Variants in TRAPPC9 observed in about 807,000 individuals in gnomAD.
The protein encoded by TRAPPC9 is IKK2 binding protein.
TRAPPC9 carries 83 observed loss-of-function variants against 124.0 expected under a neutral mutation model. The observed-to-expected ratio is 0.67, with a 90% CI of 0.56 to 0.80. The LOEUF (loss-of-function observed/expected upper bound fraction) is 0.80. TRAPPC9 is among the 30% of genes least tolerant of loss of function. The pLI is 0.00. For missense variants in TRAPPC9, 1,302 were observed against 1,508.3 expected (o/e 0.86, Z 2.27); for synonymous variants, 638 against 617.5 (o/e 1.03, Z -0.49).
chr8:140,343,328 G>A (rs1032526230), intron 9 of TRAPPC9, among the ~76,000 whole-genome samples: 6 of 152,144 alleles, frequency 3.9e-5, no homozygotes, highest in Admixed American at 2.0e-4. Flanking sequence ...TATCAGCCTC[G>A]GCATTTTTCT....
At chr8:140,318,646 C>T (rs951819618) in intron 9 of TRAPPC9, among the ~76,000 whole-genome samples, 2 of 152,202 alleles carry the variant, frequency 1.3e-5, no homozygotes, top group Non-Finnish European at 2.9e-5. Context: ...CTGTGTTTGG[C>T]TTATTTCACT....
At chr8:140,138,911 T>C (rs1230752713) in intron 17 of TRAPPC9, among the ~76,000 whole-genome samples, 1 of 152,060 alleles carries the variant, frequency 6.6e-6, no homozygotes, top group African/African-American at 2.4e-5. Context: ...GTGACCCAGG[T>C]GTGCAGTCTG....
intron 2 of TRAPPC9, among the ~76,000 whole-genome samples, chr8:140,440,872 T>C (rs2070989103): frequency 6.6e-6 from 1 of 152,030 alleles, no homozygotes; most frequent in Non-Finnish European, 1.5e-5. Context: ...CACTCTCTTT[T>C]AGGCTCATCT....
At chr8:140,414,472 T>C (rs1478962664) in intron 5 of TRAPPC9, among the ~76,000 whole-genome samples, 1 of 152,134 alleles carries the variant, frequency 6.6e-6, no homozygotes, top group Non-Finnish European at 1.5e-5. Flanking sequence ...AGGTTGAGGC[T>C]GCAATGAGCC....
intron 18 of TRAPPC9, among the ~76,000 whole-genome samples, chr8:140,006,494 C>T (rs1838759599): frequency 6.6e-6 from 1 of 152,138 alleles, no homozygotes; most frequent in Non-Finnish European, 1.5e-5. Context: ...CAATTCCACT[C>T]CTAGGTTTGT....
chr8:139,750,648 G>T (rs1303543812), intron 21 of TRAPPC9, among the ~76,000 whole-genome samples: 2 of 152,184 alleles, frequency 1.3e-5, no homozygotes, highest in Non-Finnish European at 2.9e-5. Flanking sequence ...ATAGACCTCT[G>T]GCCTCTCTCC....
chr8:139,772,010 T>C (rs182477110), intron 21 of TRAPPC9, among the ~76,000 whole-genome samples: 1 of 152,312 alleles, frequency 6.6e-6, no homozygotes, highest in African/African-American at 2.4e-5. Context: ...TAATGGAGAC[T>C]TAATTATGCT....
At chr8:140,277,432 A>T (rs1404484465) in intron 14 of TRAPPC9, among the ~76,000 whole-genome samples, 1 of 152,266 alleles carries the variant, frequency 6.6e-6, no homozygotes, top group African/African-American at 2.4e-5. Context: ...TTCAGCAGGC[A>T]GCCTTTCTCA....
Position 140,431,218 on chromosome 8 carries a change from A to T in TRAPPC9, c.859+3894T>A, listed in dbSNP as rs182594621. ...ACGCCTGTAATCCCAGCACTTTGGG[A>T]GGCCAAGGCAGGCGGATCACCTGAG... On this transcript the variant is annotated intron_variant, in intron 4 of 22. Coordinates refer to ENST00000438773, the MANE Select transcript of TRAPPC9 (RefSeq NM_001160372.4). 5.7e-4 allele frequency among the ~76,000 whole-genome samples: 87 copies of T among 152,006 alleles called. No individual in the cohort carries two copies. The East Asian group carries it at 0.016, about 28-fold the overall frequency.
At chr8:140,357,273 C>A (rs1289718286) in intron 9 of TRAPPC9, among the ~76,000 whole-genome samples, 2 of 152,028 alleles carry the variant, frequency 1.3e-5, no homozygotes, top group African/African-American at 4.8e-5. Flanking sequence ...GGGAGGTGCA[C>A]CGGCCCTGCT....
chr8:140,219,436 G>A (rs2063280526), intron 17 of TRAPPC9, among the ~76,000 whole-genome samples: 2 of 152,154 alleles, frequency 1.3e-5, no homozygotes, highest in African/African-American at 4.8e-5. Context: ...ACCGACATCT[G>A]CTGGCCTGAA....
intron 21 of TRAPPC9, among the ~76,000 whole-genome samples, chr8:139,759,703 C>A (rs931284469): frequency 6.6e-5 from 10 of 152,170 alleles, no homozygotes; most frequent in Non-Finnish European, 1.3e-4. Flanking sequence ...GACACGGGGG[C>A]CGGGCTCCCC....
Position 140,263,555 on chromosome 8 carries a change from A to T in TRAPPC9, c.2279-10626T>A, listed in dbSNP as rs117137567. Among the ~76,000 whole-genome samples, 614 of 152,338 alleles carry T rather than the reference A, an allele frequency of 4.0e-3. 4 individuals are homozygous for T. Among genetic ancestry groups the T allele is most frequent in the Middle Eastern group, 6.8e-3 (2 of 294 alleles). ...GGTGACAATGGCAGCAGCATCAAAG[A>T]TAACAGTACCTTACAGGAGGAACTA... On this transcript the variant is annotated intron_variant, in intron 15 of 22. Transcript: ENST00000438773.
At chr8:140,283,652 A>G (rs540644271) in intron 14 of TRAPPC9, among the ~76,000 whole-genome samples, 2 of 152,212 alleles carry the variant, frequency 1.3e-5, no homozygotes, top group South Asian at 4.2e-4. Flanking sequence ...TTTTCAAAAG[A>G]ATTATGATTC....
At chr8:139,792,090 G>A (rs1050275524) in intron 21 of TRAPPC9, among the ~76,000 whole-genome samples, 1 of 152,056 alleles carries the variant, frequency 6.6e-6, no homozygotes, top group Non-Finnish European at 1.5e-5. Context: ...TTCTGTCCCC[G>A]TCAACATTTG....
At chr8:140,209,064 G>C (rs1000572619) in intron 17 of TRAPPC9, among the ~76,000 whole-genome samples, 3 of 152,188 alleles carry the variant, frequency 2.0e-5, no homozygotes, top group African/African-American at 7.2e-5. Context: ...GACAGTGTTT[G>C]TTGCTCAGCA....
chr8:140,380,104 C>A (rs532614995), intron 7 of TRAPPC9, among the ~76,000 whole-genome samples: 2 of 152,130 alleles, frequency 1.3e-5, no homozygotes, highest in African/African-American at 4.8e-5. Context: ...CCAAAATTCA[C>A]ATAGAAGTAC....
At chr8:140,429,608 C>G (rs559526211) in intron 4 of TRAPPC9, among the ~76,000 whole-genome samples, 93 of 151,984 alleles carry the variant, frequency 6.1e-4, no homozygotes, top group African/African-American at 2.1e-3. Context: ...GAGTTTGCGA[C>G]CAGCCTGGCC....
rs1350864335 is a variant in TRAPPC9 at position 140,407,467 on chromosome 8, T to C, written c.887-1769A>G. Among the ~76,000 whole-genome samples, 7 of 152,000 alleles carry C rather than the reference T, an allele frequency of 4.6e-5. No homozygotes were observed. In the South Asian group the frequency reaches 1.5e-3, roughly 32 times the overall value. On this transcript the variant is annotated intron_variant, in intron 5 of 22. Coordinates refer to ENST00000438773, the MANE Select transcript of TRAPPC9 (RefSeq NM_001160372.4). The stretch of plus-strand genomic sequence containing the variant: ...TGAGGTGGGTTTTTCATTCTTCACA[T>C]GGTATCTCATCTCTTCTCTGAGGAG...
Sources: allele counts gnomAD v4.1 joint callset (sites outside exome capture counted in the v4.1 genomes callset), GRCh38; gene constraint gnomAD v4.1.1; transcripts MANE v1.5; gene names NCBI Gene and HGNC (gene_info 2026-07-23, HGNC 2026-07-21).